PDE4D: variants seen among roughly 807,000 people sequenced by gnomAD.
PDE4D encodes the protein phosphodiesterase 4D.
A neutral mutation model predicts 87.4 loss-of-function variants in PDE4D; 24 were observed. The ratio of observed to expected loss-of-function variants is 0.27; its 90% confidence interval spans 0.20 to 0.39. PDE4D has a LOEUF of 0.39. Among genes scored for constraint, PDE4D ranks in the 10% least tolerant of loss-of-function variants. PDE4D has a pLI of 1.00. For missense variants in PDE4D, 714 were observed against 1,041.0 expected (o/e 0.69, Z 4.32); for synonymous variants, 384 against 383.2 (o/e 1.00, Z -0.02).
At chr5:60,413,692 A>C (rs891514013) in intron 1 of PDE4D, among the ~76,000 whole-genome samples, 4 of 150,618 alleles carry the variant, frequency 2.7e-5, no homozygotes, top group Non-Finnish European at 4.4e-5. Context: ...GTTTGTTTTA[A>C]TTTTGAATTT....
intron 1 of PDE4D, among the ~76,000 whole-genome samples, chr5:60,211,944 T>C (rs1276341105): frequency 6.6e-6 from 1 of 152,184 alleles, no homozygotes; most frequent in African/African-American, 2.4e-5. Flanking sequence ...TTTGAATCCA[T>C]GATTAACTTA....
intron 1 of PDE4D, among the ~76,000 whole-genome samples, chr5:59,359,748 G>T (rs562535459): frequency 6.6e-6 from 1 of 151,924 alleles, no homozygotes; most frequent in African/African-American, 2.4e-5. Flanking sequence ...TCTAATTACT[G>T]TCATTTATTA....
chr5:60,233,882 C>G (rs1205561621), intron 1 of PDE4D, among the ~76,000 whole-genome samples: 2 of 151,744 alleles, frequency 1.3e-5, no homozygotes, highest in Non-Finnish European at 2.9e-5. Context: ...CACTCTGACC[C>G]AAGTTGATGA....
At chr5:60,074,465 G>A (rs902951906) in intron 2 of PDE4D, among the ~76,000 whole-genome samples, 10 of 152,254 alleles carry the variant, frequency 6.6e-5, no homozygotes, top group African/African-American at 2.4e-4. Flanking sequence ...ATTTGGTGAT[G>A]AGAAGAATAC....
intron 5 of PDE4D, among the ~76,000 whole-genome samples, chr5:59,070,931 C>T (rs1169768033): frequency 6.6e-6 from 1 of 152,156 alleles, no homozygotes. Flanking sequence ...CTTATTATCC[C>T]AAGGGTAATG....
chr5:59,186,197 A>G (rs1742875398), intron 3 of PDE4D, among the ~76,000 whole-genome samples: 2 of 152,218 alleles, frequency 1.3e-5, no homozygotes, highest in Admixed American at 1.3e-4. Flanking sequence ...CTGAGTAGGT[A>G]TTACCTAACA....
At chr5:59,873,008 A>G (rs926573750) in intron 1 of PDE4D, among the ~76,000 whole-genome samples, 2 of 152,162 alleles carry the variant, frequency 1.3e-5, no homozygotes, top group African/African-American at 4.8e-5. Flanking sequence ...GTCTAACCAG[A>G]TACTCTGCAT....
intron 1 of PDE4D, among the ~76,000 whole-genome samples, chr5:60,370,865 G>C (rs1301500816): frequency 6.6e-6 from 1 of 151,996 alleles, no homozygotes; most frequent in Non-Finnish European, 1.5e-5. Context: ...AACTGAGAGA[G>C]AGAAGGCGAT....
chr5:60,036,842 C>A (rs781720681), intron 2 of PDE4D, among the ~76,000 whole-genome samples: 2 of 152,146 alleles, frequency 1.3e-5, no homozygotes, highest in Non-Finnish European at 2.9e-5. Context: ...TTGGTTTACT[C>A]GGACTAAACT....
chr5:60,294,448 C>T (rs1359651418), intron 1 of PDE4D, among the ~76,000 whole-genome samples: 1 of 152,046 alleles, frequency 6.6e-6, no homozygotes, highest in African/African-American at 2.4e-5. Context: ...TTATAATTTT[C>T]TGAATCCTGT....
chr5:59,175,780 C>CTTTTTT (rs1783767325), intron 5 of PDE4D, among the ~76,000 whole-genome samples: 19 of 91,548 alleles, frequency 2.1e-4, no homozygotes, highest in African/African-American at 8.7e-4. Flanking sequence ...GCCCGGCCTC[C>CTTTTTT]ATTTTTTTTT....
intron 1 of PDE4D, among the ~76,000 whole-genome samples, chr5:59,394,419 G>A (rs1788910731): frequency 6.6e-6 from 1 of 152,166 alleles, no homozygotes; most frequent in South Asian, 2.1e-4. Flanking sequence ...TCTGGGCCAA[G>A]ATGTTCTGAC....
chr5:59,836,924 C>G (rs1742206862), intron 1 of PDE4D, among the ~76,000 whole-genome samples: 5 of 151,994 alleles, frequency 3.3e-5, no homozygotes, highest in Non-Finnish European at 7.4e-5. Flanking sequence ...CCCTCAGAGG[C>G]TCTTTGGCTC....
intron 2 of PDE4D, among the ~76,000 whole-genome samples, chr5:60,006,034 G>A (rs751737492): frequency 6.6e-6 from 1 of 151,876 alleles, no homozygotes; most frequent in Non-Finnish European, 1.5e-5. Context: ...AAATTTACAA[G>A]CATCTTAATG....
Position 59,666,366 on chromosome 5 carries a change from C to T in PDE4D, c.455+226802G>A, listed in dbSNP as rs553832053. Among the ~76,000 whole-genome samples, 3 of 152,236 alleles carry T rather than the reference C, an allele frequency of 2.0e-5. No homozygotes were observed. The South Asian group carries it at 6.2e-4, about 32-fold the overall frequency. On this transcript the variant is annotated intron_variant, in intron 1 of 14. Coordinates refer to ENST00000340635, the MANE Select transcript of PDE4D (RefSeq NM_001104631.2). Reference sequence around the variant, plus strand: ...GACTAATTCTACCATTCCCTGGGATCTGAAGATAATTTAATTGTCCTTTCT... The same window carrying T: ...GACTAATTCTACCATTCCCTGGGATTTGAAGATAATTTAATTGTCCTTTCT...
At chr5:59,680,756 G>A (rs1748868182) in intron 1 of PDE4D, among the ~76,000 whole-genome samples, 2 of 152,078 alleles carry the variant, frequency 1.3e-5, no homozygotes, top group South Asian at 4.1e-4. Context: ...ACATTCCACA[G>A]GTAAGAAAAT....
At chr5:59,541,805 C>T (rs1226038933) in intron 1 of PDE4D, among the ~76,000 whole-genome samples, 2 of 152,166 alleles carry the variant, frequency 1.3e-5, no homozygotes, top group African/African-American at 4.8e-5. Flanking sequence ...AGCCTGAGTT[C>T]CTGAAAGAAT....
intron 1 of PDE4D, among the ~76,000 whole-genome samples, chr5:59,731,569 CAAAAA>C (rs11366341): frequency 6.6e-6 from 1 of 152,046 alleles, no homozygotes; most frequent in East Asian, 1.9e-4. Context: ...TTTAAACTGA[CAAAAA>C]AAGACTTTCT....
At chr5:59,822,310 T>C (rs1317972654) in intron 1 of PDE4D, among the ~76,000 whole-genome samples, 1 of 152,186 alleles carries the variant, frequency 6.6e-6, no homozygotes, top group Non-Finnish European at 1.5e-5. Flanking sequence ...GCTTTTATGA[T>C]CTTGGATGAG....
Sources: gnomAD v4.1 joint callset for allele counts (sites outside exome capture counted in the v4.1 genomes callset) on GRCh38, gnomAD v4.1.1 for gene constraint, MANE v1.5 for transcripts, NCBI Gene and HGNC (gene_info 2026-07-23, HGNC 2026-07-21) for gene names.